Variants in TMEM154 observed in about 807,000 individuals in gnomAD.
TMEM154 encodes transmembrane protein 154.
TMEM154 carries 27 observed loss-of-function variants against 24.5 expected under a neutral mutation model. The observed-to-expected ratio is 1.10, with a 90% CI of 0.81 to 1.52. The LOEUF (loss-of-function observed/expected upper bound fraction) is 1.52, where lower values mean the gene tolerates loss of function less well. Among genes scored for constraint, TMEM154 ranks in the 40% most tolerant of loss-of-function variants. TMEM154 has a pLI of 0.00. For missense variants in TMEM154, 228 were observed against 213.4 expected (o/e 1.07, Z -0.43); for synonymous variants, 67 against 76.8 (o/e 0.87, Z 0.67).
At chr4:152,631,244 A>G (rs1407910410) in intron 6 of TMEM154, among the ~76,000 whole-genome samples, 1 of 152,058 alleles carries the variant, frequency 6.6e-6, no homozygotes, top group African/African-American at 2.4e-5. Flanking sequence ...TTTTCCCCAC[A>G]TCCTCTCCAA....
At chr4:152,650,076 T>G (rs547105188) in intron 3 of TMEM154, among the ~76,000 whole-genome samples, 114 of 152,314 alleles carry the variant, frequency 7.5e-4, no homozygotes, top group South Asian at 7.0e-3. Context: ...ATGTTGATGG[T>G]TGCTGACTGA....
chr4:152,664,376 GC>G (rs58735863), intron 1 of TMEM154, among the ~76,000 whole-genome samples: 21,898 of 136,996 alleles, frequency 0.16, 2,375 homozygotes, highest in African/African-American at 0.3. Flanking sequence ...GCCTGTCGTG[GC>G]GGGGGGGTAC....
chr4:152,647,945 A>C (rs1254854296), intron 3 of TMEM154, among the ~76,000 whole-genome samples: 1 of 152,182 alleles, frequency 6.6e-6, no homozygotes, highest in African/African-American at 2.4e-5. Flanking sequence ...TGGACTCTCA[A>C]CCTCAATGCC....
chr4:152,664,352 C>A (rs1260794610), intron 1 of TMEM154, among the ~76,000 whole-genome samples: 1 of 142,774 alleles, frequency 7.0e-6, no homozygotes, highest in Admixed American at 7.4e-5. Context: ...GGGAGGGGAA[C>A]AACACACACT....
intron 6 of TMEM154, among the ~76,000 whole-genome samples, chr4:152,632,881 A>T (rs544465529): frequency 4.1e-4 from 62 of 152,330 alleles, no homozygotes; most frequent in African/African-American, 1.5e-3. Context: ...CCTGCAAAAC[A>T]TACATAACAT....
chr4:152,640,488 T>C (rs774971956), intron 6 of TMEM154, among the ~76,000 whole-genome samples: 12 of 152,150 alleles, frequency 7.9e-5, no homozygotes, highest in Non-Finnish European at 1.5e-4. Context: ...AGCCACCTAG[T>C]GGTAAAATGG....
chr4:152,661,284 T>TTCTCTCTCTCTCTCTCTCTCTCTCTCTC (rs70949609), intron 1 of TMEM154, among the ~76,000 whole-genome samples: 1 of 63,410 alleles, frequency 1.6e-5, no homozygotes, highest in Non-Finnish European at 3.0e-5. Context: ...ATTGTTCTCT[T>TTCTCTCTCTCTCTCTCTCTCTCTCTCTC]TCTCTCTCTC....
chr4:152,646,840 G>T, intron 3 of TMEM154: 1 of 656,200 alleles, frequency 1.5e-6, no homozygotes, highest in South Asian at 1.7e-5. Flanking sequence ...GTGAGCAAGA[G>T]AAAGAGTCTC....
rs1751872036 is a variant in TMEM154, at chr4:152,623,491, T to C, written c.*5055A>G. 1.3e-5 allele frequency: 2 copies of C among 152,200 alleles called. No individual in the cohort carries two copies. Among genetic ancestry groups the C allele is most frequent in the Admixed American group, 1.3e-4 (2 of 15,286 alleles). 9.4% of individuals were successfully genotyped at this position (152,200 alleles called of 1,614,324 possible). ...TTTCACCGACATCAGAGTAATACAT[T>C]GCTTACTCTCCACTGATTTGTACAC... On this transcript the variant is annotated 3_prime_UTR_variant, in exon 7 of 7. Coordinates refer to ENST00000304385, the MANE Select transcript of TMEM154 (RefSeq NM_152680.3).
At chr4:152,639,483 C>T (rs1340096427) in intron 6 of TMEM154, among the ~76,000 whole-genome samples, 2 of 152,018 alleles carry the variant, frequency 1.3e-5, no homozygotes, top group African/African-American at 4.8e-5. Flanking sequence ...TTACATATTT[C>T]CAGGTAAGAT....
intron 3 of TMEM154, among the ~76,000 whole-genome samples, chr4:152,650,243 T>C (rs1424948732): frequency 6.6e-6 from 1 of 152,216 alleles, no homozygotes; most frequent in Non-Finnish European, 1.5e-5. Context: ...TAGAATTCTT[T>C]CACAATTGGA....
intron 1 of TMEM154, among the ~76,000 whole-genome samples, chr4:152,679,070 G>A (rs1415404054): frequency 6.6e-6 from 1 of 152,226 alleles, no homozygotes; most frequent in Non-Finnish European, 1.5e-5. Flanking sequence ...TTGCCCAAAG[G>A]CAAGTCAACA....
At chr4:152,628,595 AAAAAAACAC>A (rs1751965469) in intron 6 of TMEM154, 34 bp from the exon 7 acceptor site, 2 of 1,174,776 alleles carry the variant, frequency 1.7e-6, no homozygotes, top group Non-Finnish European at 2.3e-6. Flanking sequence ...AAAAAAAACA[AAAAAAACAC>A]ACACACACAC....
intron 6 of TMEM154, among the ~76,000 whole-genome samples, chr4:152,635,457 A>ATTATT (rs1752129841): frequency 6.6e-6 from 1 of 152,208 alleles, no homozygotes; most frequent in South Asian, 2.1e-4. Flanking sequence ...GTTTACTCAA[A>ATTATT]TTATTTTATT....
chr4:152,670,435 A>C (rs1728814179), intron 1 of TMEM154, among the ~76,000 whole-genome samples: 1 of 152,104 alleles, frequency 6.6e-6, no homozygotes, highest in South Asian at 2.1e-4. Flanking sequence ...CTCTACTGAA[A>C]ATACAAAAAA....
At chr4:152,672,107 A>G (rs978034194) in intron 1 of TMEM154, among the ~76,000 whole-genome samples, 1 of 151,648 alleles carries the variant, frequency 6.6e-6, no homozygotes, top group Admixed American at 6.6e-5. Context: ...AAAAAAAAAA[A>G]AAAGCAAAAA....
chr4:152,643,388 A>G (rs894033166), intron 4 of TMEM154, among the ~76,000 whole-genome samples: 6 of 152,236 alleles, frequency 3.9e-5, no homozygotes, highest in African/African-American at 1.2e-4. Flanking sequence ...CACAGGTCCA[A>G]AAGTGGGGTG....
chr4:152,626,069 C>T lies in TMEM154; in HGVS notation c.*2477G>A, dbSNP rs1372309833. On this transcript the variant is annotated 3_prime_UTR_variant, in exon 7 of 7. Transcript: ENST00000304385. ...GTGGTCTTGCATTGGGTAACAAAGC[C>T]CTTCCCAGAGGGAGGAGTCACACCA... 1 of 152,464 alleles carries T rather than the reference C, an allele frequency of 6.6e-6. No homozygotes were observed. Among genetic ancestry groups the T allele is most frequent in the African/African-American group, 2.4e-5 (1 of 41,422 alleles). The allele number at this position is 152,464 out of a possible 1,614,324, so 9.4% of individuals were successfully genotyped here. A position where few individuals can be genotyped will look rare whatever the true frequency, so the allele number is the denominator to read the frequency against.
At chr4:152,667,781 A>T (rs1728748950) in intron 1 of TMEM154, among the ~76,000 whole-genome samples, 1 of 152,260 alleles carries the variant, frequency 6.6e-6, no homozygotes, top group Admixed American at 6.5e-5. Context: ...ACTAGAGGTG[A>T]TGATGCCTTG....
Sources: gnomAD v4.1 joint callset for allele counts (sites outside exome capture counted in the v4.1 genomes callset) on GRCh38, gnomAD v4.1.1 for gene constraint, MANE v1.5 for transcripts, NCBI Gene and HGNC (gene_info 2026-07-23, HGNC 2026-07-21) for gene names.